The following PRTG variants were observed in gnomAD, a reference collection of about 807,000 sequenced individuals.
PRTG encodes the protein immunoglobulin superfamily, DCC subclass, member 5.
In PRTG, 67 loss-of-function variants were observed where a neutral mutation model predicts 122.5. The ratio of observed to expected loss-of-function variants is 0.55; its 90% CI spans 0.45 to 0.67. PRTG has a LOEUF of 0.67. Ranked by LOEUF, PRTG falls within the 30% of genes least tolerant of loss-of-function variation. The pLI, the probability that PRTG is intolerant of heterozygous loss-of-function variation, is 0.00. For missense variants in PRTG, 1,435 were observed against 1,415.4 expected, an observed-to-expected ratio of 1.01 and a Z score of -0.22; for synonymous variants, 554 against 501.1, an observed-to-expected ratio of 1.11 and a Z score of -1.41.
chr15:55,677,365 C>T (rs2059508526), intron 8 of PRTG, among the ~76,000 whole-genome samples: 1 of 152,026 alleles, frequency 6.6e-6, no homozygotes, highest in African/African-American at 2.4e-5. Context: ...GGGAATTTGA[C>T]AATGTTTACT....
In PRTG at chr15:55,613,574, G is replaced by A. The variant is rs2059129747; in HGVS notation, c.*6438C>T. ...GAAATTAGGAGATGATAAGGGATGA[G>A]TTACAGCCGCCTTAATCCCTCCTGT... On this transcript the variant is annotated 3_prime_UTR_variant, in exon 20 of 20. Coordinates refer to ENST00000389286, the MANE Select transcript of PRTG (RefSeq NM_173814.6). The A allele has an allele frequency of 6.6e-6, 1 of 152,038 alleles. No individual in the cohort carries two copies. The highest frequency in any genetic ancestry group is 2.4e-5 in the African/African-American group (1 of 41,418). 9.4% of individuals were successfully genotyped at this position (152,038 alleles called of 1,614,324 possible).
At chr15:55,709,554 A>G (rs1308764377) in intron 2 of PRTG, among the ~76,000 whole-genome samples, 3 of 151,982 alleles carry the variant, frequency 2.0e-5, no homozygotes, top group African/African-American at 7.2e-5. Flanking sequence ...AAATTAGTTC[A>G]TAGTTTACAC....
intron 2 of PRTG, among the ~76,000 whole-genome samples, chr15:55,731,439 C>G (rs1473643102): frequency 6.9e-6 from 1 of 145,090 alleles, no homozygotes; most frequent in Non-Finnish European, 1.5e-5. Flanking sequence ...GGCATGCTCT[C>G]GGCTCACTGC....
chr15:55,646,340 T>C (rs1055243823), intron 11 of PRTG, among the ~76,000 whole-genome samples: 1 of 148,060 alleles, frequency 6.8e-6, no homozygotes, highest in Non-Finnish European at 1.5e-5. Flanking sequence ...TTTTTTTTTT[T>C]AGGACGGAGT....
At chr15:55,720,198 G>A (rs1327442058) in intron 2 of PRTG, among the ~76,000 whole-genome samples, 3 of 152,086 alleles carry the variant, frequency 2.0e-5, no homozygotes, top group Admixed American at 2.0e-4. Flanking sequence ...GGCCAACATG[G>A]TGAAACCTCG....
intron 11 of PRTG, chr15:55,656,427 T>TA (rs2059380557): frequency 1.2e-5 from 5 of 433,992 alleles, no homozygotes; most frequent in Non-Finnish European, 2.3e-5. Flanking sequence ...TAAAGGAAAA[T>TA]AAAAAATCTA....
chr15:55,629,413 G>T (rs200841848), intron 15 of PRTG, among the ~76,000 whole-genome samples: 2 of 128,340 alleles, frequency 1.6e-5, no homozygotes, highest in South Asian at 2.5e-4. Context: ...GTGTGTGTGT[G>T]TGTGTGTGTG....
intron 11 of PRTG, among the ~76,000 whole-genome samples, chr15:55,662,472 T>C (rs1006907486): frequency 6.6e-6 from 1 of 152,244 alleles, no homozygotes; most frequent in Non-Finnish European, 1.5e-5. Context: ...TGGAATGTCA[T>C]CTATATTTTT....
chr15:55,634,761 G>C (rs2059247039), intron 15 of PRTG, among the ~76,000 whole-genome samples: 1 of 151,840 alleles, frequency 6.6e-6, no homozygotes, highest in South Asian at 2.1e-4. Context: ...AGAATGACTT[G>C]AACCCAGGAG....
chr15:55,676,186 CA>C (rs899945694), intron 8 of PRTG, among the ~76,000 whole-genome samples: 1 of 151,972 alleles, frequency 6.6e-6, no homozygotes, highest in African/African-American at 2.4e-5. Context: ...ATTTGACTGA[CA>C]TAAGTTGTTC....
At chr15:55,731,329 C>A (rs1595683543) in intron 2 of PRTG, among the ~76,000 whole-genome samples, 1 of 149,092 alleles carries the variant, frequency 6.7e-6, no homozygotes, top group South Asian at 2.1e-4. Flanking sequence ...TTAGTTCAAT[C>A]TGAAAGCTGA....
At chr15:55,741,516 C>T (rs1474325578) in intron 1 of PRTG, among the ~76,000 whole-genome samples, 1 of 152,200 alleles carries the variant, frequency 6.6e-6, no homozygotes, top group African/African-American at 2.4e-5. Flanking sequence ...ATATACACAT[C>T]GCCCCTGGGC....
At chr15:55,733,409 C>A (rs1346389709) in intron 2 of PRTG, among the ~76,000 whole-genome samples, 1 of 150,604 alleles carries the variant, frequency 6.6e-6, no homozygotes, top group Non-Finnish European at 1.5e-5. Flanking sequence ...ACCTGGGAGG[C>A]TGAGGCATGA....
intron 2 of PRTG, among the ~76,000 whole-genome samples, chr15:55,686,602 C>A (rs1021124420): frequency 6.6e-6 from 1 of 152,118 alleles, no homozygotes; most frequent in Admixed American, 6.6e-5. Context: ...AGATGTCTTT[C>A]TGGAGCCTCT....
chr15:55,639,142 A>G (rs74462286), intron 13 of PRTG, among the ~76,000 whole-genome samples: 1 of 152,086 alleles, frequency 6.6e-6, no homozygotes, highest in African/African-American at 2.4e-5. Context: ...TGGCTGATAT[A>G]AAAAAATATT....
intron 11 of PRTG, among the ~76,000 whole-genome samples, chr15:55,657,110 G>A (rs1197124067): frequency 1.3e-5 from 2 of 152,152 alleles, no homozygotes; most frequent in African/African-American, 4.8e-5. Flanking sequence ...GTACACAATT[G>A]AGCCCTCTTG....
chr15:55,624,257 T>A, intron 18 of PRTG, 85 bp downstream of exon 18: 1 of 1,217,208 alleles, frequency 8.2e-7, no homozygotes, highest in Non-Finnish European at 1.2e-6. Context: ...ACATTCAACA[T>A]ACAATTTTGG....
intron 8 of PRTG, among the ~76,000 whole-genome samples, chr15:55,676,584 C>T (rs1595641180): frequency 6.6e-6 from 1 of 152,168 alleles, no homozygotes; most frequent in East Asian, 1.9e-4. Flanking sequence ...GACAAGATTA[C>T]AGGCATTTCA....
intron 2 of PRTG, among the ~76,000 whole-genome samples, chr15:55,722,686 G>A (rs2141870825): frequency 6.6e-6 from 1 of 152,264 alleles, no homozygotes; most frequent in South Asian, 2.1e-4. Flanking sequence ...TTCCATTTCT[G>A]GAAAATCGTA....
Sources: gnomAD v4.1 joint callset for allele counts (sites outside exome capture counted in the v4.1 genomes callset) on GRCh38, gnomAD v4.1.1 for gene constraint, MANE v1.5 for transcripts, NCBI Gene and HGNC (gene_info 2026-07-23, HGNC 2026-07-21) for gene names.